The following FAM178B variants were observed in gnomAD, a reference collection of about 807,000 sequenced individuals.
FAM178B encodes family with sequence similarity 178 member B, also known as protein FAM178B.
In FAM178B, 82 loss-of-function variants were observed where a neutral mutation model predicts 91.7. The observed-to-expected ratio is 0.89, with a 90% CI of 0.75 to 1.07. FAM178B has a LOEUF of 1.07. Among genes scored for constraint, FAM178B ranks in the 50% least tolerant of loss-of-function variants. The pLI, the probability that FAM178B is intolerant of heterozygous loss-of-function variation, is 0.00. For synonymous variants in FAM178B, 368 were observed against 359.4 expected (o/e 1.02, Z -0.27); for missense variants, 769 against 846.7 (o/e 0.91, Z 1.14).
chr2:96,877,594 G>A (rs1467470123), intron 16 of FAM178B, among the ~76,000 whole-genome samples: 1 of 152,172 alleles, frequency 6.6e-6, no homozygotes, highest in Non-Finnish European at 1.5e-5. Context: ...GGTAGAGACG[G>A]GTTTCACCAT....
In FAM178B at chr2:96,921,580, C is replaced by G; in HGVS notation, c.1362G>C (p.Leu454=). 6.4e-7 allele frequency: 1 copy of G among 1,551,698 alleles called. No individual in the cohort carries two copies. Among genetic ancestry groups the G allele is most frequent in the Non-Finnish European group, 8.7e-7 (1 of 1,146,992 alleles). The change falls in exon 11 of 17, where the codon CTG becomes CTC. Residue 454 remains leucine, a synonymous_variant. Coordinates refer to ENST00000490605, the MANE Select transcript of FAM178B (RefSeq NM_001122646.3). The part of the protein sequence containing the change: ...DENLMGLIEL[L]CRTSLDVGLR... ...GCCCCACGTCCAGGCTGGTGCGGCA[C>G]AGCAGCTCAATCAGTCCCATGAGGT...
chr2:96,901,268 GTTCAAGCAATTCTCCT>G (rs2080926229), intron 13 of FAM178B, among the ~76,000 whole-genome samples: 1 of 151,374 alleles, frequency 6.6e-6, no homozygotes, highest in Admixed American at 6.6e-5. Context: ...CGCCTCCCAG[GTTCAAGCAATTCTCCT>G]GTCTCAGTCT....
chr2:96,922,175 G>C (rs1322897478), intron 10 of FAM178B, among the ~76,000 whole-genome samples: 2 of 152,160 alleles, frequency 1.3e-5, no homozygotes, highest in African/African-American at 4.8e-5. Flanking sequence ...GCAATGTCAG[G>C]AAGTTACCCT....
intron 14 of FAM178B, among the ~76,000 whole-genome samples, chr2:96,891,052 C>T (rs903700531): frequency 3.3e-5 from 5 of 152,222 alleles, no homozygotes; most frequent in African/African-American, 9.7e-5. Flanking sequence ...TCCACAGAAG[C>T]TCTTATAGTC....
At chr2:96,877,415 T>C (rs2080269961) in intron 16 of FAM178B, among the ~76,000 whole-genome samples, 1 of 151,794 alleles carries the variant, frequency 6.6e-6, no homozygotes, top group Non-Finnish European at 1.5e-5. Flanking sequence ...TTTTTTTTTT[T>C]TTTTTGAGAT....
intron 12 of FAM178B, 62 bp downstream of exon 12, chr2:96,921,103 C>T (rs1331409122): frequency 4.3e-6 from 6 of 1,379,642 alleles, no homozygotes; most frequent in Non-Finnish European, 5.0e-6. Context: ...GACTCTGGAT[C>T]CCTACAAGAC....
chr2:96,970,839 GA>G (rs1316061555), intron 3 of FAM178B, 62 bp from the exon 4 acceptor site: 6 of 1,147,192 alleles, frequency 5.2e-6, no homozygotes, highest in South Asian at 2.8e-5. Flanking sequence ...GGAGAAAAAA[GA>G]AAAAAAACTA....
intron 1 of FAM178B, among the ~76,000 whole-genome samples, chr2:96,983,879 T>G (rs1282156196): frequency 2.0e-5 from 3 of 152,248 alleles, no homozygotes; most frequent in African/African-American, 7.2e-5. Flanking sequence ...CTATACAATA[T>G]TTCATCATAT....
intron 1 of FAM178B, among the ~76,000 whole-genome samples, chr2:96,984,844 G>A (rs2153376711): frequency 6.6e-6 from 1 of 152,258 alleles, no homozygotes; most frequent in Middle Eastern, 3.4e-3. Context: ...GGCTGAGGTG[G>A]GTCATCTTCT....
chr2:96,914,394 G>A (rs898263090), intron 12 of FAM178B, among the ~76,000 whole-genome samples: 5 of 152,194 alleles, frequency 3.3e-5, no homozygotes, highest in Non-Finnish European at 7.3e-5. Context: ...GTGCACCGCA[G>A]GGACAGGGAG....
intron 7 of FAM178B, among the ~76,000 whole-genome samples, chr2:96,950,755 G>C (rs917643038): frequency 6.6e-6 from 1 of 152,182 alleles, no homozygotes; most frequent in Admixed American, 6.5e-5. Context: ...ATGGCAAAAC[G>C]CTCTAGCAGC....
intron 1 of FAM178B, among the ~76,000 whole-genome samples, chr2:96,979,129 A>T (rs143181383): frequency 1.3e-4 from 20 of 148,572 alleles, no homozygotes; most frequent in African/African-American, 4.5e-4. Flanking sequence ...GACACACACC[A>T]CCATGCCTGG....
At chr2:96,958,966 C>T (rs747432862) in intron 6 of FAM178B, among the ~76,000 whole-genome samples, 5 of 151,428 alleles carry the variant, frequency 3.3e-5, no homozygotes, top group African/African-American at 9.7e-5. Context: ...TTTGGGAGGC[C>T]GAGGTGGGCA....
At chr2:96,901,914 C>T (rs1442070965) in intron 13 of FAM178B, among the ~76,000 whole-genome samples, 1 of 152,142 alleles carries the variant, frequency 6.6e-6, no homozygotes, top group African/African-American at 2.4e-5. Flanking sequence ...TTCTCTGCCT[C>T]AACCTCCCAA....
intron 14 of FAM178B, among the ~76,000 whole-genome samples, chr2:96,882,627 G>A (rs1559047667): frequency 6.6e-6 from 1 of 152,200 alleles, no homozygotes; most frequent in East Asian, 1.9e-4. Context: ...TGCACTCCCT[G>A]CCTTACCTGC....
intron 4 of FAM178B, among the ~76,000 whole-genome samples, chr2:96,970,021 A>G (rs774246804): frequency 1.7e-4 from 26 of 152,166 alleles, no homozygotes; most frequent in Non-Finnish European, 3.5e-4. Flanking sequence ...AAACAACACA[A>G]CACAACAACG....
At chr2:96,936,478 G>A (rs868032912) in intron 8 of FAM178B, among the ~76,000 whole-genome samples, 25 of 151,006 alleles carry the variant, frequency 1.7e-4, no homozygotes, top group Middle Eastern at 7.0e-3. Context: ...TGGATTACAG[G>A]CGTGAGCCAC....
At chr2:96,974,381 C>CAAA (rs1171601429) in intron 1 of FAM178B, among the ~76,000 whole-genome samples, 13 of 16,236 alleles carry the variant, frequency 8.0e-4, no homozygotes, top group Admixed American at 1.2e-3. Context: ...GACTCCATCT[C>CAAA]AAAAAAAAAA....
Position 96,970,725 on chromosome 2 carries a change from T to C in FAM178B, c.617A>G (p.Gln206Arg). 6.4e-7 allele frequency: 1 copy of C among 1,551,158 alleles called. No homozygotes were observed. The highest frequency in any genetic ancestry group is 8.7e-7 in the Non-Finnish European group (1 of 1,146,688). The change falls in exon 4 of 17, where the codon CAG becomes CGG. Residue 206 changes from glutamine to arginine, a missense_variant. Gln to Arg is a conservative substitution (Grantham distance 43). Transcript: ENST00000490605. ...CACGCCCTGTGCTCACCTCTTCTCC[T>C]GCAGTAAGTAGTCCAGGTTGTTGAA... ...SYFNNLDYLL[Q>R]EKREQALEQE... is the part of the protein sequence containing the mutation.
Sources: allele counts gnomAD v4.1 joint callset (sites outside exome capture counted in the v4.1 genomes callset), GRCh38; gene constraint gnomAD v4.1.1; transcripts MANE v1.5; gene names NCBI Gene and HGNC (gene_info 2026-07-23, HGNC 2026-07-21).